The following MAPT variants were observed in gnomAD, a reference collection of about 807,000 sequenced individuals.
The protein encoded by MAPT is microtubule-associated protein tau.
A neutral mutation model predicts 67.9 loss-of-function variants in MAPT; 34 were observed. The observed-to-expected ratio is 0.50, with a 90% confidence interval of 0.38 to 0.67. The LOEUF (loss-of-function observed/expected upper bound fraction) is 0.67. Among genes scored for constraint, MAPT ranks in the 30% least tolerant of loss-of-function variants. The probability of loss-of-function intolerance (pLI) is 0.00; values close to 1 mark genes in which losing one functional copy is unlikely to be tolerated. For missense variants in MAPT, 881 were observed against 1,115.2 expected (o/e 0.79, Z 2.99); for synonymous variants, 456 against 464.5 (o/e 0.98, Z 0.23).
In MAPT at chr17:45,906,941, C is replaced by T. The variant is rs1176628969; in HGVS notation, c.-18+12255C>T. ...AATGATTTTAGACCTTATCATCTCA[C>T]CCTCGGATCCTTATGGAAACAATAA... is the stretch of plus-strand genomic sequence containing the variant. On this transcript the variant is annotated intron_variant, in intron 1 of 12. Coordinates refer to ENST00000262410, the MANE Select transcript of MAPT (RefSeq NM_001377265.1). The surrounding 1 kb of genome is among the most constrained non-coding windows in gnomAD (Gnocchi z 4.3). 1.3e-5 allele frequency among the ~76,000 whole-genome samples: 2 copies of T among 152,202 alleles called. No individual in the cohort carries two copies. The highest frequency in any genetic ancestry group is 2.9e-5 in the Non-Finnish European group (2 of 68,048).
intron 3 of MAPT, chr17:45,976,438 C>T (rs73314996): frequency 0.039 from 5,871 of 152,346 alleles, 388 homozygotes; most frequent in African/African-American, 0.13. Flanking sequence ...CTAAAGATCC[C>T]TTTACATCCT....
At chr17:45,986,952 C>G in intron 5 of MAPT, 88 bp from the exon 6 acceptor site, 1 of 1,169,946 alleles carries the variant, frequency 8.5e-7, no homozygotes, top group Middle Eastern at 2.2e-4. Context: ...ATGGACCTAT[C>G]CCAGAGAAAT....
intron 1 of MAPT, among the ~76,000 whole-genome samples, chr17:45,901,545 ATGTAT>A (rs1355685280): frequency 2.0e-5 from 3 of 152,228 alleles, no homozygotes; most frequent in Non-Finnish European, 4.4e-5. Flanking sequence ...TAGGAATTCC[ATGTAT>A]CCAATAAGTA....
chr17:45,901,285 G>C (rs562404132), intron 1 of MAPT, among the ~76,000 whole-genome samples: 1 of 152,146 alleles, frequency 6.6e-6, no homozygotes, highest in African/African-American at 2.4e-5. Flanking sequence ...CAGCCATCCC[G>C]GGCAGGGTGA....
intron 7 of MAPT, 104 bp downstream of exon 7, chr17:45,990,179 G>A (rs1302384351): frequency 2.8e-6 from 3 of 1,062,156 alleles, no homozygotes; most frequent in East Asian, 2.4e-5. Flanking sequence ...CTTCAAATGA[G>A]TTCTGGCATA....
chr17:46,013,565 G>T (rs964334228), intron 10 of MAPT, among the ~76,000 whole-genome samples: 1 of 152,224 alleles, frequency 6.6e-6, no homozygotes, highest in Non-Finnish European at 1.5e-5. Context: ...GTGTTGCTTT[G>T]TTCCTATTGC....
chr17:45,987,244 C>T lies in MAPT; in HGVS notation c.1407+149C>T, dbSNP rs572018577. 6.3e-6 allele frequency: 5 copies of T among 788,692 alleles called. No individual in the cohort carries two copies. In the Admixed American group the frequency reaches 1.2e-4, roughly 18 times the overall value. The allele number at this position is 788,692 out of a possible 1,614,324, so 48.9% of individuals were successfully genotyped here. On this transcript the variant is annotated intron_variant, in intron 6 of 12. Transcript: ENST00000262410. ...AAAGTGCTTTGTATTTTGGGGCAGG[C>T]TTTTAAAAAGTCCAGCATTTATTAG...
rs2064221040 is a variant in MAPT, at chr17:45,905,167, C to A, written c.-18+10481C>A. ...AGAAACGGAGGATTTTGCAGAACAT[C>A]CCTAAATCCGCTTGAATAATGAAGT... On this transcript the variant is annotated intron_variant, in intron 1 of 12. Coordinates refer to ENST00000262410, the MANE Select transcript of MAPT (RefSeq NM_001377265.1). Among the ~76,000 whole-genome samples, 7 of 152,194 alleles carry A rather than the reference C, an allele frequency of 4.6e-5. No homozygotes were observed. The South Asian group carries it at 1.4e-3, about 31-fold the overall frequency.
chr17:45,948,511 G>A (rs1389897340), intron 1 of MAPT, among the ~76,000 whole-genome samples: 2 of 152,202 alleles, frequency 1.3e-5, no homozygotes, highest in African/African-American at 4.8e-5. Flanking sequence ...CAGGAAACAA[G>A]AGCTTTAGTT....
At chr17:45,936,409 A>G (rs1240478991) in intron 1 of MAPT, among the ~76,000 whole-genome samples, 1 of 152,232 alleles carries the variant, frequency 6.6e-6, no homozygotes, top group Admixed American at 6.5e-5. Context: ...ATTAGAGGAC[A>G]TACATGCACA....
In MAPT at chr17:46,027,227, C is replaced by A. The variant is rs1038360487; in HGVS notation, c.*3056C>A. 1.3e-5 allele frequency: 2 copies of A among 150,250 alleles called. No homozygotes were observed. The highest frequency in any genetic ancestry group is 4.8e-5 in the African/African-American group (2 of 41,324). The allele number at this position is 150,250 out of a possible 1,614,324, so 9.3% of individuals were successfully genotyped here. A position where few individuals can be genotyped will look rare whatever the true frequency, so the allele number is the denominator to read the frequency against. On this transcript the variant is annotated 3_prime_UTR_variant, in exon 13 of 13. Transcript: ENST00000262410. ...ACCATGGGCCTTCTTATACGGAAGG[C>A]TCTGGGATCTCCCCCTTGTGGGGCA...
chr17:45,909,869 CAAAAAAAAAAA>C (rs59131080), intron 1 of MAPT, among the ~76,000 whole-genome samples: 2 of 59,858 alleles, frequency 3.3e-5, no homozygotes, highest in Non-Finnish European at 6.1e-5. Context: ...GACTCTGTCT[CAAAAAAAAAAA>C]AAAAAAAAAA....
chr17:45,902,906 G>A (rs2063714281), intron 1 of MAPT, among the ~76,000 whole-genome samples: 1 of 152,160 alleles, frequency 6.6e-6, no homozygotes, highest in Admixed American at 6.5e-5. Context: ...AGAGAAGAGG[G>A]ACATAATTAT....
intron 3 of MAPT, chr17:45,977,663 A>C (rs1343381497): frequency 6.6e-6 from 1 of 152,320 alleles, no homozygotes; most frequent in Non-Finnish European, 1.5e-5. Flanking sequence ...CAGGAACCCA[A>C]GACACCCCCA....
chr17:45,919,424 C>T (rs1342516134), intron 1 of MAPT, among the ~76,000 whole-genome samples: 2 of 152,234 alleles, frequency 1.3e-5, no homozygotes, highest in African/African-American at 4.8e-5. Flanking sequence ...CCCTTACCTG[C>T]CCCTACTCTG....
intron 1 of MAPT, among the ~76,000 whole-genome samples, chr17:45,928,530 C>T (rs1414936337): frequency 6.6e-6 from 1 of 152,148 alleles, no homozygotes; most frequent in African/African-American, 2.4e-5. Flanking sequence ...TCACTCATTG[C>T]TGTGGTCACC....
chr17:46,014,413 G>C, intron 11 of MAPT, 89 bp downstream of exon 11: 1 of 926,944 alleles, frequency 1.1e-6, no homozygotes, highest in Non-Finnish European at 1.8e-6. Flanking sequence ...GACTTCAGAA[G>C]GGGCTGGAAA....
intron 3 of MAPT, chr17:45,973,305 A>T (rs942495713): frequency 5.3e-5 from 8 of 152,174 alleles, no homozygotes; most frequent in Non-Finnish European, 8.8e-5. Context: ...GTGATGCAAG[A>T]CACTTCCTGC....
rs184054547 is a variant in MAPT at position 45,910,151 on chromosome 17, G to A, written c.-18+15465G>A. ...GGGGCACTGGAAACACACAGGCACG[G>A]GGTGTCCTCACACTTGGGTAGCCCA... is the stretch of plus-strand genomic sequence containing the variant. On this transcript the variant is annotated intron_variant, in intron 1 of 12. Coordinates refer to ENST00000262410, the MANE Select transcript of MAPT (RefSeq NM_001377265.1). Among the ~76,000 whole-genome samples the A allele has an allele frequency of 3.5e-3, 531 of 152,290 alleles. 2 individuals carry two copies. The highest frequency in any genetic ancestry group is 0.01 in the Middle Eastern group (3 of 294).
Sources: allele counts gnomAD v4.1 joint callset (sites outside exome capture counted in the v4.1 genomes callset), GRCh38; gene constraint gnomAD v4.1.1; non-coding constraint Gnocchi (gnomAD v3.1); transcripts MANE v1.5; gene names NCBI Gene and HGNC (gene_info 2026-07-23, HGNC 2026-07-21).